Variants in KCNJ16 observed in about 807,000 individuals in gnomAD.
KCNJ16 encodes potassium inwardly rectifying channel subfamily J member 16, also known as inward rectifier potassium channel 16.
Under a neutral mutation model 18.5 loss-of-function variants are expected in KCNJ16, and 15 were observed. The observed-to-expected ratio is 0.81, with a 90% CI of 0.54 to 1.25. The LOEUF (loss-of-function observed/expected upper bound fraction) is 1.25, where lower values mean the gene tolerates loss of function less well. KCNJ16 is among the 50% of genes most tolerant of loss of function. The pLI, the probability that KCNJ16 is intolerant of heterozygous loss-of-function variation, is 0.00. For synonymous variants in KCNJ16, 174 were observed against 186.5 expected, an observed-to-expected ratio of 0.93 and a Z score of 0.55; for missense variants, 523 against 525.7, an observed-to-expected ratio of 0.99 and a Z score of 0.05.
In KCNJ16 at chr17:70,094,580, C is replaced by T. The variant is rs1340178315; in HGVS notation, c.-299-6078C>T. Among the ~76,000 whole-genome samples, 6 of 151,890 alleles carry T rather than the reference C, an allele frequency of 4.0e-5. No homozygotes were observed. In the South Asian group the frequency reaches 6.3e-4, roughly 16 times the overall value. ...AGGTGAGGTATTTAAATTATTGTAA[C>T]CATCCATTGCACTTATTTATTAGTC... is the stretch of plus-strand genomic sequence containing the variant. On this transcript the variant is annotated intron_variant, in intron 1 of 3. Coordinates refer to ENST00000392671, the MANE Select transcript of KCNJ16 (RefSeq NM_170741.4).
chr17:70,096,609 CAT>C, intron 1 of KCNJ16: 1 of 229,972 alleles, frequency 4.3e-6, no homozygotes, highest in East Asian at 8.7e-5. Context: ...ATTATTATTA[CAT>C]CATAATAGGT....
At position 70,132,029 on chromosome 17, in the gene KCNJ16, C is replaced by T; in HGVS notation, c.-59C>T. On this transcript the variant is annotated 5_prime_UTR_variant, in exon 4 of 4. Transcript: ENST00000392671. Reference sequence around the variant, plus strand: ...GAAAACCCAAACCAAGAAATAGCAACAAGTCTAGAATTCTTACTACTACAA... The same window carrying T: ...GAAAACCCAAACCAAGAAATAGCAATAAGTCTAGAATTCTTACTACTACAA... 2.5e-6 allele frequency: 4 copies of T among 1,605,674 alleles called. No individual in the cohort carries two copies. In the South Asian group the frequency reaches 4.4e-5, roughly 18 times the overall value.
rs1253879706 is a variant in KCNJ16, at chr17:70,132,409, A to C, written c.322A>C (p.Ile108Leu). The C allele has an allele frequency of 6.2e-7, 1 of 1,614,054 alleles. No individual in the cohort carries two copies. The highest frequency in any genetic ancestry group is 8.5e-7 in the Non-Finnish European group (1 of 1,180,040). ...TGGCGATCTATTAAATGATCCAGAC[A>C]TCACACCTTGTGTTGACAACGTCCA... is the stretch of plus-strand genomic sequence containing the variant. ...HHGDLLNDPD[I>L]TPCVDNVHSF... Residue 108 changes from isoleucine to leucine, a missense_variant, in exon 4 of 4, where the codon ATC becomes CTC. Physicochemically the swap from Ile to Leu is conservative, Grantham distance 5. Transcript: ENST00000392671.
intron 1 of KCNJ16, among the ~76,000 whole-genome samples, chr17:70,096,216 A>G (rs2072364715): frequency 6.6e-6 from 1 of 152,016 alleles, no homozygotes; most frequent in South Asian, 2.1e-4. Context: ...TTTCAGCAAA[A>G]GCCTCACTGC....
chr17:70,125,063 C>T (rs962515183), intron 2 of KCNJ16, among the ~76,000 whole-genome samples: 1 of 151,842 alleles, frequency 6.6e-6, no homozygotes, highest in Admixed American at 6.6e-5. Context: ...GTCAGGAGTT[C>T]AAGACCAGCC....
chr17:70,123,381 T>A (rs949048969), intron 2 of KCNJ16, among the ~76,000 whole-genome samples: 5 of 152,208 alleles, frequency 3.3e-5, no homozygotes, highest in African/African-American at 1.2e-4. Flanking sequence ...GCAAATATTG[T>A]TTTCTCTGCC....
At chr17:70,102,778 G>A (rs955760162) in intron 2 of KCNJ16, among the ~76,000 whole-genome samples, 4 of 151,876 alleles carry the variant, frequency 2.6e-5, no homozygotes, top group East Asian at 3.9e-4. Context: ...GTTTTTACTC[G>A]TCCCTAGTCA....
chr17:70,131,059 AG>A lies in KCNJ16; in HGVS notation c.-94+85del, dbSNP rs1598187777. 1.5e-5 allele frequency: 19 copies of A among 1,301,512 alleles called. 1 individual carries two copies. The East Asian group carries it at 4.8e-4, about 33-fold the overall frequency. 80.6% of individuals were successfully genotyped at this position (1,301,512 alleles called of 1,614,324 possible). On this transcript the variant is annotated intron_variant, in intron 3 of 3. Transcript: ENST00000392671. ...TATTTTGCCTAAGGATGTCCGTGAA[AG>A]TATCAGGAAAACACTGAAAAGCCGG...
intron 1 of KCNJ16, among the ~76,000 whole-genome samples, chr17:70,085,482 T>C (rs1241075230): frequency 2.0e-5 from 3 of 152,220 alleles, no homozygotes; most frequent in African/African-American, 7.2e-5. Flanking sequence ...GTAGTGTATG[T>C]CTTCTAAAGA....
intron 2 of KCNJ16, among the ~76,000 whole-genome samples, chr17:70,129,834 T>TAGCA (rs1420044021): frequency 6.6e-6 from 1 of 152,208 alleles, no homozygotes; most frequent in Non-Finnish European, 1.5e-5. Flanking sequence ...GGCTTGTGTA[T>TAGCA]AGCAGTTGCT....
intron 2 of KCNJ16, among the ~76,000 whole-genome samples, chr17:70,115,328 A>G (rs1467536644): frequency 6.6e-6 from 1 of 152,100 alleles, no homozygotes; most frequent in African/African-American, 2.4e-5. Context: ...ATGAATATGT[A>G]GCTTGAGGTT....
intron 2 of KCNJ16, among the ~76,000 whole-genome samples, chr17:70,118,712 AT>A (rs1184294785): frequency 6.6e-6 from 1 of 152,090 alleles, no homozygotes; most frequent in African/African-American, 2.4e-5. Context: ...CGCCCCCATG[AT>A]GAAAACACAA....
intron 2 of KCNJ16, among the ~76,000 whole-genome samples, chr17:70,109,981 C>A (rs1438892194): frequency 6.6e-6 from 1 of 152,152 alleles, no homozygotes; most frequent in Admixed American, 6.5e-5. Context: ...AGGAGATATA[C>A]CCTCTTCAAA....
rs553885433 is a variant in KCNJ16 at position 70,126,672 on chromosome 17, C to T, written c.-190-4207C>T. Among the ~76,000 whole-genome samples, 6 of 152,224 alleles carry T rather than the reference C, an allele frequency of 3.9e-5. No individual in the cohort carries two copies. The East Asian group carries it at 9.6e-4, about 24-fold the overall frequency. ...CTGATTCGGGCCCTCTCTGCAATAC[C>T]GAAAACCATTTTATTTTAGACTATT... On this transcript the variant is annotated intron_variant, in intron 2 of 3. Coordinates refer to ENST00000392671, the MANE Select transcript of KCNJ16 (RefSeq NM_170741.4).
At chr17:70,098,995 A>C (rs547226681) in intron 1 of KCNJ16, among the ~76,000 whole-genome samples, 1 of 152,220 alleles carries the variant, frequency 6.6e-6, no homozygotes, top group Non-Finnish European at 1.5e-5. Flanking sequence ...CTGAAGCCTC[A>C]TATCAGTGAC....
rs2074189229 is a variant in KCNJ16 at position 70,135,412 on chromosome 17, A to C, written c.*2068A>C. The C allele has an allele frequency of 6.0e-6, 1 of 167,088 alleles. No homozygotes were observed. Among genetic ancestry groups the C allele is most frequent in the African/African-American group, 2.4e-5 (1 of 41,450 alleles). 10.4% of individuals were successfully genotyped at this position (167,088 alleles called of 1,614,324 possible). ...CTGATGTTTGCCTTGTCAATATCAGAATAGGGGCATCAGTGTCCCGTGAAA... is the reference window on the plus strand; with the variant it reads ...CTGATGTTTGCCTTGTCAATATCAGCATAGGGGCATCAGTGTCCCGTGAAA... On this transcript the variant is annotated 3_prime_UTR_variant, in exon 4 of 4. Coordinates refer to ENST00000392671, the MANE Select transcript of KCNJ16 (RefSeq NM_170741.4).
At position 70,119,360 on chromosome 17, in the gene KCNJ16, C is replaced by T. The variant is rs182484366; in HGVS notation, c.-190-11519C>T. On this transcript the variant is annotated intron_variant, in intron 2 of 3. Transcript: ENST00000392671. ...TTTGTCACATCTCCACTAGGCAGTG[C>T]CCCAGTGGGGACTGTGTAGGTGGGC... 5.3e-5 allele frequency among the ~76,000 whole-genome samples: 8 copies of T among 152,286 alleles called. No individual in the cohort carries two copies. In the East Asian group the frequency reaches 1.4e-3, roughly 26 times the overall value.
chr17:70,107,377 C>T (rs972233093), intron 2 of KCNJ16, among the ~76,000 whole-genome samples: 1 of 152,194 alleles, frequency 6.6e-6, no homozygotes, highest in Admixed American at 6.5e-5. Context: ...AGATGCAACA[C>T]ACCCAACATC....
At chr17:70,083,452 G>A (rs1378537520) in intron 1 of KCNJ16, among the ~76,000 whole-genome samples, 2 of 151,604 alleles carry the variant, frequency 1.3e-5, no homozygotes, top group Middle Eastern at 3.2e-3. Context: ...ATATGATGGT[G>A]GTCTCAAAAG....
Sources: gnomAD v4.1 joint callset for allele counts (sites outside exome capture counted in the v4.1 genomes callset) on GRCh38, gnomAD v4.1.1 for gene constraint, MANE v1.5 for transcripts, NCBI Gene and HGNC (gene_info 2026-07-23, HGNC 2026-07-21) for gene names.